FBXW7: variants seen among roughly 807,000 people sequenced by gnomAD.
FBXW7 encodes F-box and WD repeat domain containing 7.
In FBXW7, 11 loss-of-function variants were observed where a neutral mutation model predicts 86.3. The observed-to-expected ratio is 0.13, with a 90% CI of 0.08 to 0.21. The LOEUF is 0.21. Ranked by LOEUF, FBXW7 falls within the 10% of genes least tolerant of loss-of-function variation. The pLI is 1.00. For synonymous variants in FBXW7, 313 were observed against 297.9 expected (o/e 1.05, Z -0.52); for missense variants, 488 against 847.4 (o/e 0.58, Z 5.27).
chr4:152,530,598 A>C (rs982730178), intron 2 of FBXW7: 1 of 152,270 alleles, frequency 6.6e-6, no homozygotes, highest in Admixed American at 6.5e-5. Context: ...CCATGAAGGC[A>C]AAAGTATTTT....
intron 4 of FBXW7, among the ~76,000 whole-genome samples, chr4:152,367,074 AATGAGAAC>A (rs1437821814): frequency 1.3e-5 from 2 of 152,296 alleles, no homozygotes; most frequent in East Asian, 3.9e-4. Context: ...GGAATTGAAC[AATGAGAAC>A]ATTTGGACAC....
At chr4:152,467,762 A>G (rs894773731) in intron 2 of FBXW7, among the ~76,000 whole-genome samples, 18 of 152,222 alleles carry the variant, frequency 1.2e-4, no homozygotes, top group African/African-American at 4.1e-4. Context: ...GTATTTATTT[A>G]AAAACAAATC....
At chr4:152,495,543 A>T (rs79367214) in intron 2 of FBXW7, among the ~76,000 whole-genome samples, 2,431 of 152,242 alleles carry the variant, frequency 0.016, 75 homozygotes, top group African/African-American at 0.055. Flanking sequence ...ACATATTAAA[A>T]ATATATATAT....
intron 4 of FBXW7, chr4:152,352,584 A>G (rs1336081666): frequency 2.5e-6 from 4 of 1,613,734 alleles, no homozygotes; most frequent in Non-Finnish European, 3.4e-6. Context: ...GACAATATAA[A>G]CCTTTTTCAG....
intron 4 of FBXW7, among the ~76,000 whole-genome samples, chr4:152,351,512 A>G (rs953965946): frequency 6.6e-6 from 1 of 152,140 alleles, no homozygotes; most frequent in African/African-American, 2.4e-5. Flanking sequence ...TCTTTCTCCA[A>G]ATAATTTTAT....
intron 2 of FBXW7, among the ~76,000 whole-genome samples, chr4:152,506,369 G>A (rs1747429197): frequency 1.3e-5 from 2 of 152,032 alleles, no homozygotes; most frequent in Admixed American, 6.6e-5. Context: ...CTGACCTTGT[G>A]ATCTGCCCGC....
At chr4:152,495,267 T>A (rs940036668) in intron 2 of FBXW7, among the ~76,000 whole-genome samples, 2 of 152,006 alleles carry the variant, frequency 1.3e-5, no homozygotes, top group African/African-American at 4.8e-5. Context: ...ACCCCGTCTC[T>A]ACTAAAAATT....
chr4:152,495,462 T>C (rs572052235), intron 2 of FBXW7, among the ~76,000 whole-genome samples: 166 of 152,172 alleles, frequency 1.1e-3, no homozygotes, highest in Middle Eastern at 6.8e-3. Context: ...AAAAATTATT[T>C]TAAATTAATC....
chr4:152,388,367 C>T (rs1735725475), intron 4 of FBXW7, among the ~76,000 whole-genome samples: 1 of 152,096 alleles, frequency 6.6e-6, no homozygotes, highest in African/African-American at 2.4e-5. Flanking sequence ...GATAATTGGA[C>T]ATTTGCAAAA....
intron 2 of FBXW7, among the ~76,000 whole-genome samples, chr4:152,457,800 G>A (rs1179866118): frequency 6.6e-6 from 1 of 151,674 alleles, no homozygotes; most frequent in Non-Finnish European, 1.5e-5. Flanking sequence ...GAATCTCAAA[G>A]ACAGCTCAAA....
intron 4 of FBXW7, among the ~76,000 whole-genome samples, chr4:152,385,060 C>T (rs912933596): frequency 1.3e-5 from 2 of 152,008 alleles, no homozygotes; most frequent in African/African-American, 4.8e-5. Flanking sequence ...CATGGAATAT[C>T]CTTATCTCAG....
At chr4:152,362,931 T>C (rs1245426632) in intron 4 of FBXW7, among the ~76,000 whole-genome samples, 3 of 151,786 alleles carry the variant, frequency 2.0e-5, no homozygotes, top group Non-Finnish European at 2.9e-5. Context: ...ACAGCAAAGA[T>C]TAAAATTAAG....
chr4:152,470,543 G>A (rs1179624499), intron 2 of FBXW7, among the ~76,000 whole-genome samples: 1 of 152,022 alleles, frequency 6.6e-6, no homozygotes, highest in Non-Finnish European at 1.5e-5. Flanking sequence ...TCCATCCTAT[G>A]TTGGTACTTA....
intron 2 of FBXW7, among the ~76,000 whole-genome samples, chr4:152,511,701 A>G (rs1553999684): frequency 6.6e-6 from 1 of 152,200 alleles, no homozygotes; most frequent in Non-Finnish European, 1.5e-5. Context: ...TATGAAAAAA[A>G]TGAGAAAGTT....
chr4:152,382,153 A>G (rs761817966), intron 4 of FBXW7: 1 of 1,461,406 alleles, frequency 6.8e-7, no homozygotes, highest in South Asian at 1.5e-5. Flanking sequence ...CTTCACTTAA[A>G]TAAACATTCA....
intron 4 of FBXW7, among the ~76,000 whole-genome samples, chr4:152,411,007 A>G (rs1737897246): frequency 6.6e-6 from 1 of 152,160 alleles, no homozygotes; most frequent in Non-Finnish European, 1.5e-5. Context: ...TACACCCCAC[A>G]CAAGCTACTA....
chr4:152,416,808 A>AT (rs1738478501), intron 2 of FBXW7, among the ~76,000 whole-genome samples: 1 of 152,204 alleles, frequency 6.6e-6, no homozygotes. Context: ...GACAATATAT[A>AT]TTTTTTGTTA....
At chr4:152,501,682 GT>G (rs1746961163) in intron 2 of FBXW7, among the ~76,000 whole-genome samples, 2 of 152,128 alleles carry the variant, frequency 1.3e-5, no homozygotes, top group Admixed American at 6.5e-5. Flanking sequence ...TCTAAAGTTT[GT>G]TGTAAACCTG....
intron 2 of FBXW7, among the ~76,000 whole-genome samples, chr4:152,528,982 A>C (rs1749772222): frequency 6.6e-6 from 1 of 151,930 alleles, no homozygotes; most frequent in South Asian, 2.1e-4. Context: ...ATTATACTTA[A>C]TGGGGGAAAG....
Sources: gnomAD v4.1 joint callset for allele counts (sites outside exome capture counted in the v4.1 genomes callset) on GRCh38, gnomAD v4.1.1 for gene constraint, MANE v1.5 for transcripts, NCBI Gene and HGNC (gene_info 2026-07-23, HGNC 2026-07-21) for gene names.